The following JMJD1C variants were observed in gnomAD, a reference collection of about 807,000 sequenced individuals.
The protein encoded by JMJD1C is jumonji domain-containing protein 1C.
A neutral mutation model predicts 245.3 loss-of-function variants in JMJD1C; 31 were observed. That is an observed-to-expected ratio of 0.13 (90% CI 0.09 to 0.17). The LOEUF (loss-of-function observed/expected upper bound fraction) is 0.17. JMJD1C is among the 10% of genes least tolerant of loss of function. The pLI is 1.00. For synonymous variants in JMJD1C, 1,057 were observed against 1,017.4 expected (o/e 1.04, Z -0.74); for missense variants, 2,691 against 3,000.2 (o/e 0.90, Z 2.41).
At chr10:63,400,967 T>A (rs1948813915) in intron 1 of JMJD1C, among the ~76,000 whole-genome samples, 1 of 151,150 alleles carries the variant, frequency 6.6e-6, no homozygotes, top group African/African-American at 2.5e-5. Context: ...TTCAAGCAGT[T>A]CTCCCTTCAG....
intron 2 of JMJD1C, among the ~76,000 whole-genome samples, chr10:63,346,169 A>C (rs952184512): frequency 6.6e-6 from 1 of 152,204 alleles, no homozygotes; most frequent in Non-Finnish European, 1.5e-5. Flanking sequence ...TAGTCACCCA[A>C]GTAGCTGGGA....
intron 1 of JMJD1C, among the ~76,000 whole-genome samples, chr10:63,484,232 GGATGGATAGATA>G (rs1303126982): frequency 0.026 from 2,411 of 93,830 alleles, 41 homozygotes; most frequent in African/African-American, 0.059. Flanking sequence ...ATGGATGGAT[GGATGGATAGATA>G]GATAGATAGA....
intron 2 of JMJD1C, among the ~76,000 whole-genome samples, chr10:63,267,066 T>G (rs934163777): frequency 2.6e-5 from 4 of 152,182 alleles, no homozygotes; most frequent in Non-Finnish European, 4.4e-5. Flanking sequence ...GAAAACTAGC[T>G]GACAATGATC....
intron 2 of JMJD1C, among the ~76,000 whole-genome samples, chr10:63,287,362 C>G (rs549196926): frequency 6.6e-6 from 1 of 152,182 alleles, no homozygotes; most frequent in Non-Finnish European, 1.5e-5. Context: ...AGCTGTCGTT[C>G]CACGTATGTG....
chr10:63,353,412 A>C (rs1443452975), intron 2 of JMJD1C, among the ~76,000 whole-genome samples: 1 of 152,230 alleles, frequency 6.6e-6, no homozygotes, highest in Non-Finnish European at 1.5e-5. Flanking sequence ...TAATGTGAAG[A>C]TGCTAACAGA....
chr10:63,231,708 C>T (rs1173446007), intron 3 of JMJD1C, among the ~76,000 whole-genome samples: 4 of 152,112 alleles, frequency 2.6e-5, no homozygotes, highest in African/African-American at 4.8e-5. Context: ...ACAGGAGAAT[C>T]GCTTGAATCC....
intron 1 of JMJD1C, among the ~76,000 whole-genome samples, chr10:63,481,784 G>A (rs910848937): frequency 6.6e-6 from 1 of 152,160 alleles, no homozygotes; most frequent in Non-Finnish European, 1.5e-5. Context: ...AAACAAGGTA[G>A]TAAGACACAC....
intron 2 of JMJD1C, among the ~76,000 whole-genome samples, chr10:63,320,202 A>G (rs573613614): frequency 6.6e-6 from 1 of 152,306 alleles, no homozygotes; most frequent in African/African-American, 2.4e-5. Flanking sequence ...CACCATGCCC[A>G]GCATATCTTA....
intron 1 of JMJD1C, among the ~76,000 whole-genome samples, chr10:63,498,825 CTTGT>C (rs1397093802): frequency 1.3e-5 from 2 of 152,030 alleles, no homozygotes; most frequent in Non-Finnish European, 2.9e-5. Context: ...ATCTCTAGAA[CTTGT>C]TTATCTTGCA....
intron 2 of JMJD1C, among the ~76,000 whole-genome samples, chr10:63,335,183 T>C (rs1169557124): frequency 3.9e-5 from 6 of 152,154 alleles, no homozygotes; most frequent in African/African-American, 1.4e-4. Flanking sequence ...TCAGAGATTG[T>C]TGTTCCAGGT....
At chr10:63,284,895 ACACACACACACATT>A (rs1156449134) in intron 2 of JMJD1C, among the ~76,000 whole-genome samples, 2 of 138,106 alleles carry the variant, frequency 1.4e-5, no homozygotes, top group African/African-American at 5.2e-5. Context: ...ACACACACAC[ACACACACACACATT>A]CTCTCTACTC....
chr10:63,178,922 A>G (rs1843137270), intron 22 of JMJD1C, among the ~76,000 whole-genome samples: 1 of 152,234 alleles, frequency 6.6e-6, no homozygotes, highest in South Asian at 2.1e-4. Context: ...TAAGGGGTAC[A>G]ACTGCAATTT....
intron 13 of JMJD1C, among the ~76,000 whole-genome samples, chr10:63,194,919 A>G (rs1292821774): frequency 6.6e-6 from 1 of 152,256 alleles, no homozygotes; most frequent in South Asian, 2.1e-4. Context: ...AAGGCATAGC[A>G]TAGGGCATAA....
intron 3 of JMJD1C, among the ~76,000 whole-genome samples, chr10:63,236,426 A>G (rs76922313): frequency 0.035 from 5,333 of 152,268 alleles, 290 homozygotes; most frequent in East Asian, 0.26. Flanking sequence ...CTAAAGCCAC[A>G]TGTTAATATT....
At chr10:63,277,727 A>ATTTATTTTTTTTTTT (rs1389505532) in intron 2 of JMJD1C, among the ~76,000 whole-genome samples, 1 of 83,170 alleles carries the variant, frequency 1.2e-5, no homozygotes, top group Non-Finnish European at 2.4e-5. Context: ...AGTAATTTGC[A>ATTTATTTTTTTTTTT]TTTCTTTTTT....
At chr10:63,509,107 C>A (rs1382716597) in intron 1 of JMJD1C, among the ~76,000 whole-genome samples, 7 of 152,162 alleles carry the variant, frequency 4.6e-5, no homozygotes, top group African/African-American at 1.7e-4. Context: ...CCTCTCTCTT[C>A]CTAATTTACT....
At chr10:63,250,866 A>G (rs9415676) in intron 3 of JMJD1C, among the ~76,000 whole-genome samples, 65,898 of 152,028 alleles carry the variant, frequency 0.43, 15,585 homozygotes, top group African/African-American at 0.63. Flanking sequence ...TCAGCCTCCC[A>G]AGTAGCTGGG....
chr10:63,232,099 A>G (rs1850092347), intron 3 of JMJD1C, among the ~76,000 whole-genome samples: 1 of 152,112 alleles, frequency 6.6e-6, no homozygotes. Context: ...CGGCCTCCCA[A>G]AGTGTTGGAA....
At chr10:63,452,994 T>G (rs1253628243) in intron 1 of JMJD1C, among the ~76,000 whole-genome samples, 2 of 152,110 alleles carry the variant, frequency 1.3e-5, no homozygotes, top group Non-Finnish European at 2.9e-5. Flanking sequence ...ATGGTTAAAA[T>G]GAGCTGTGCG....
Sources: gnomAD v4.1 joint callset for allele counts (sites outside exome capture counted in the v4.1 genomes callset) on GRCh38, gnomAD v4.1.1 for gene constraint, MANE v1.5 for transcripts, NCBI Gene and HGNC (gene_info 2026-07-23, HGNC 2026-07-21) for gene names.